The following PTPRT variants were observed in gnomAD, a reference collection of about 807,000 sequenced individuals.
PTPRT encodes receptor-type tyrosine-protein phosphatase T.
Under a neutral mutation model 176.8 loss-of-function variants are expected in PTPRT, and 56 were observed. The observed-to-expected ratio is 0.32, with a 90% confidence interval of 0.26 to 0.40. PTPRT has a LOEUF of 0.40. PTPRT is among the 10% of genes least tolerant of loss of function. PTPRT has a pLI of 1.00. For synonymous variants in PTPRT, 783 were observed against 739.0 expected (o/e 1.06, Z -0.96); for missense variants, 1,540 against 1,908.2 (o/e 0.81, Z 3.60).
intron 1 of PTPRT, among the ~76,000 whole-genome samples, chr20:42,929,159 C>T (rs1173291459): frequency 6.6e-6 from 1 of 152,198 alleles, no homozygotes; most frequent in East Asian, 1.9e-4. Flanking sequence ...GTAATTCTCT[C>T]CTAGGGAGAT....
At chr20:42,885,646 C>T (rs1279745718) in intron 2 of PTPRT, among the ~76,000 whole-genome samples, 161 bp downstream of exon 2, 1 of 152,180 alleles carries the variant, frequency 6.6e-6, no homozygotes, top group Non-Finnish European at 1.5e-5. Flanking sequence ...AGAATTCATT[C>T]AGCCTTGGTT....
At chr20:42,693,608 A>G (rs1340211506) in intron 6 of PTPRT, among the ~76,000 whole-genome samples, 2 of 152,200 alleles carry the variant, frequency 1.3e-5, no homozygotes, top group Non-Finnish European at 2.9e-5. Flanking sequence ...TCACTGTGGT[A>G]GGAGAAGTGT....
Position 42,080,369 on chromosome 20 carries a change from C to T in PTPRT, c.*510G>A, listed in dbSNP as rs889103041. The T allele has an allele frequency of 6.4e-5, 15 of 234,294 alleles. No individual in the cohort carries two copies. Among genetic ancestry groups the T allele is most frequent in the Admixed American group, 3.3e-4 (6 of 18,066 alleles). The allele number at this position is 234,294 out of a possible 1,614,324, so 14.5% of individuals were successfully genotyped here. A position where few individuals can be genotyped will look rare whatever the true frequency, so the allele number is the denominator to read the frequency against. On this transcript the variant is annotated 3_prime_UTR_variant, in exon 31 of 31. Coordinates refer to ENST00000373187, the MANE Select transcript of PTPRT (RefSeq NM_007050.6). ...CATCGTAAGGTCACACTGGTCCAGACTGCAAATGTCTGGTGCCAGAGGCCC... is the reference window on the plus strand; with the variant it reads ...CATCGTAAGGTCACACTGGTCCAGATTGCAAATGTCTGGTGCCAGAGGCCC...
At chr20:42,080,998 G>A (rs1983272385) in intron 30 of PTPRT, 66 bp from the exon 31 acceptor site, 1 of 1,338,444 alleles carries the variant, frequency 7.5e-7, no homozygotes, top group African/African-American at 1.4e-5. Flanking sequence ...AAAAAGGAAA[G>A]GGAAAATGCA....
intron 1 of PTPRT, among the ~76,000 whole-genome samples, chr20:43,034,181 G>A (rs1186229555): frequency 6.6e-6 from 1 of 152,194 alleles, no homozygotes; most frequent in East Asian, 1.9e-4. Context: ...AGTCCCAGAT[G>A]GGGGTACACA....
chr20:42,243,902 A>C (rs2146893422), intron 14 of PTPRT, among the ~76,000 whole-genome samples: 1 of 152,382 alleles, frequency 6.6e-6, no homozygotes, highest in South Asian at 2.1e-4. Context: ...TTTAAATGAA[A>C]AATGATGCAA....
At chr20:42,862,219 T>C (rs2078674844) in intron 2 of PTPRT, among the ~76,000 whole-genome samples, 2 of 152,094 alleles carry the variant, frequency 1.3e-5, no homozygotes. Context: ...ATTGAACCAC[T>C]CAAGGCTACA....
At position 42,184,583 on chromosome 20, in the gene PTPRT, T is replaced by TTCTTCTTCTTCTTCTTCTTCTTCC. The variant is rs1471645810; in HGVS notation, c.2491+14656_2491+14657insGGAAGAAGAAGAAGAAGAAGAAGA. Among the ~76,000 whole-genome samples, 4 of 141,742 alleles carry TTCTTCTTCTTCTTCTTCTTCTTCC rather than the reference T, an allele frequency of 2.8e-5. No homozygotes were observed. In the East Asian group the frequency reaches 6.6e-4, roughly 23 times the overall value. 93.0% of individuals were successfully genotyped at this position (141,742 alleles called of 152,430 possible). ...CTTATTCTTCTTCTTCTTCTTCTTC[T>TTCTTCTTCTTCTTCTTCTTCTTCC]TCTTCTTCTTCCTCTTCTTCTTCTT... On this transcript the variant is annotated intron_variant, in intron 16 of 30. Coordinates refer to ENST00000373187, the MANE Select transcript of PTPRT (RefSeq NM_007050.6).
intron 7 of PTPRT, among the ~76,000 whole-genome samples, chr20:42,489,140 G>A (rs1462326145): frequency 6.6e-6 from 1 of 151,348 alleles, no homozygotes; most frequent in African/African-American, 2.4e-5. Flanking sequence ...TAGGGTACAT[G>A]TGCACAACCT....
intron 7 of PTPRT, among the ~76,000 whole-genome samples, chr20:42,577,289 T>C (rs772425984): frequency 6.6e-5 from 10 of 152,236 alleles, no homozygotes; most frequent in Non-Finnish European, 1.3e-4. Context: ...TCCCCCAAAA[T>C]GGCCATGCAG....
intron 18 of PTPRT, among the ~76,000 whole-genome samples, chr20:42,136,988 G>T (rs987940332): frequency 6.6e-6 from 1 of 152,202 alleles, no homozygotes; most frequent in African/African-American, 2.4e-5. Flanking sequence ...TTGAGGGCAG[G>T]TTCTGGGGAC....
chr20:42,883,341 T>C (rs1432699701), intron 2 of PTPRT, among the ~76,000 whole-genome samples: 1 of 152,044 alleles, frequency 6.6e-6, no homozygotes, highest in Non-Finnish European at 1.5e-5. Flanking sequence ...AGACCCAAAC[T>C]ATACTTAGGA....
intron 2 of PTPRT, among the ~76,000 whole-genome samples, chr20:42,793,781 C>T (rs11698772): frequency 0.084 from 12,741 of 152,184 alleles, 559 homozygotes; most frequent in South Asian, 0.19. Flanking sequence ...GTCCACTGGC[C>T]TACATGCCAC....
chr20:42,973,816 AT>A (rs955721983), intron 1 of PTPRT, among the ~76,000 whole-genome samples: 11 of 152,172 alleles, frequency 7.2e-5, no homozygotes, highest in African/African-American at 2.7e-4. Context: ...GAAATAATTA[AT>A]TGGGATACAT....
chr20:42,744,609 TAAAC>T (rs1401912772), intron 6 of PTPRT, among the ~76,000 whole-genome samples: 2 of 145,956 alleles, frequency 1.4e-5, no homozygotes, highest in African/African-American at 5.6e-5. Flanking sequence ...CTGTAACAAA[TAAAC>T]CCCAAGGCTT....
rs539319652 is a variant in PTPRT at position 42,197,435 on chromosome 20, G to T, written c.2491+1805C>A. On this transcript the variant is annotated intron_variant, in intron 16 of 30. Transcript: ENST00000373187. The stretch of plus-strand genomic sequence containing the variant: ...CCTGAAAGAAAAAATAAAGTTGAGA[G>T]GGCTGTTCTAGATCAAAGAGGATAA... 4.8e-5 allele frequency among the ~76,000 whole-genome samples: 7 copies of T among 145,518 alleles called. No homozygotes were observed. In the East Asian group the frequency reaches 1.2e-3, roughly 25 times the overall value.
intron 16 of PTPRT, among the ~76,000 whole-genome samples, chr20:42,178,471 C>T (rs1031016187): frequency 2.0e-5 from 3 of 152,178 alleles, no homozygotes; most frequent in Non-Finnish European, 4.4e-5. Context: ...GGGTTAAATC[C>T]TGGCTCTACT....
At chr20:42,624,702 G>A (rs960504606) in intron 7 of PTPRT, among the ~76,000 whole-genome samples, 2 of 152,160 alleles carry the variant, frequency 1.3e-5, no homozygotes, top group Non-Finnish European at 2.9e-5. Context: ...CAGGAGTGGT[G>A]GGAAATATGG....
intron 5 of PTPRT, among the ~76,000 whole-genome samples, chr20:42,767,061 A>G (rs2076992652): frequency 6.6e-6 from 1 of 152,166 alleles, no homozygotes; most frequent in South Asian, 2.1e-4. Flanking sequence ...ACATCTCAGG[A>G]GAAACTGGCC....
Sources: gnomAD v4.1 joint callset for allele counts (sites outside exome capture counted in the v4.1 genomes callset) on GRCh38, gnomAD v4.1.1 for gene constraint, MANE v1.5 for transcripts, NCBI Gene and HGNC (gene_info 2026-07-23, HGNC 2026-07-21) for gene names.